SLC9A2: variants seen among roughly 807,000 people sequenced by gnomAD.
SLC9A2 encodes solute carrier family 9 member A2.
SLC9A2 carries 42 observed loss-of-function variants against 71.7 expected under a neutral mutation model. The ratio of observed to expected loss-of-function variants is 0.59; its 90% CI spans 0.46 to 0.76. SLC9A2 has a LOEUF of 0.76. Ranked by LOEUF, SLC9A2 falls within the 30% of genes least tolerant of loss-of-function variation. SLC9A2 has a pLI of 0.00. For missense variants in SLC9A2, 829 were observed against 1,017.4 expected (o/e 0.81, Z 2.52); for synonymous variants, 396 against 392.5 (o/e 1.01, Z -0.10).
chr2:102,705,439 T>C, intron 10 of SLC9A2, among the ~76,000 whole-genome samples: 1 of 152,032 alleles, frequency 6.6e-6, no homozygotes, highest in South Asian at 2.1e-4. Flanking sequence ...TTTTGTTCTA[T>C]TAATATCATT....
intron 1 of SLC9A2, among the ~76,000 whole-genome samples, chr2:102,620,733 G>A (rs1046268622): frequency 6.6e-6 from 1 of 152,146 alleles, no homozygotes; most frequent in Non-Finnish European, 1.5e-5. Flanking sequence ...GAGGTGAGAT[G>A]CATATTTAAA....
In SLC9A2 at chr2:102,707,299, TTTTA is replaced by T. The variant is rs1216000410; in HGVS notation, c.2069-816_2069-813del. Among the ~76,000 whole-genome samples, 293 of 64,962 alleles carry T rather than the reference TTTTA, an allele frequency of 4.5e-3. 8 individuals carry two copies. The highest frequency in any genetic ancestry group is 0.02 in the East Asian group (43 of 2,196). The allele number at this position is 64,962 out of a possible 152,430, so 42.6% of individuals were successfully genotyped here. A position where few individuals can be genotyped will look rare whatever the true frequency, so the allele number is the denominator to read the frequency against. On this transcript the variant is annotated intron_variant, in intron 11 of 11. Coordinates refer to ENST00000233969, the MANE Select transcript of SLC9A2 (RefSeq NM_003048.6). Reference sequence around the variant, plus strand: ...GATGGAAAAATCATTACCCCTCTTTTTTTATTTTTTTTTTTTTGCTTGTTTATTT... The same window carrying T: ...GATGGAAAAATCATTACCCCTCTTTTTTTTTTTTTTTTTGCTTGTTTATTT...
At chr2:102,704,795 C>CT (rs1215676645) in intron 10 of SLC9A2, 120 bp downstream of exon 10, 5 of 1,128,712 alleles carry the variant, frequency 4.4e-6, no homozygotes, top group Non-Finnish European at 6.3e-6. Flanking sequence ...CTCTGAGGAG[C>CT]TGCAGGAAGG....
Position 102,684,265 on chromosome 2 carries a change from G to C in SLC9A2, c.1354G>C (p.Ala452Pro), listed in dbSNP as rs1204114848. The C allele has an allele frequency of 1.2e-6, 2 of 1,614,160 alleles. No homozygotes were observed. ...TGCGTTAGTGTTTCTCCTTCCTGCT[G>C]CTGTGTTTCCTCGGAAAAAATTGTT... ...CFALVFLLPAAVFPRKKLFIT... is the reference protein window; with the variant it reads ...CFALVFLLPAPVFPRKKLFIT... The change falls in exon 5 of 12, where the codon GCT becomes CCT. Residue 452 changes from alanine (A) to proline (P), a missense_variant. Physicochemically the swap from Ala to Pro is conservative, Grantham distance 27. This residue lies in a region of SLC9A2 where 500 missense variants were observed against 726.3 expected (regional missense o/e 0.69). Transcript: ENST00000233969.
In SLC9A2 at chr2:102,677,298, G is replaced by GA. The variant is rs59477999; in HGVS notation, c.1005-5953dup. On this transcript the variant is annotated intron_variant, in intron 3 of 11. Coordinates refer to ENST00000233969, the MANE Select transcript of SLC9A2 (RefSeq NM_003048.6). Reference sequence around the variant, plus strand: ...TATTTCCACCCACCCTCCCCAGGGGGAAAAAAAAAACTCTTTTGAGGTAGT... The same window carrying GA: ...TATTTCCACCCACCCTCCCCAGGGGGAAAAAAAAAAACTCTTTTGAGGTAGT... Among the ~76,000 whole-genome samples the GA allele has an allele frequency of 3.6e-3, 536 of 148,978 alleles. 3 individuals are homozygous for GA. Among genetic ancestry groups the GA allele is most frequent in the Middle Eastern group, 0.01 (3 of 292 alleles).
Position 102,708,435 on chromosome 2 carries a change from G to T in SLC9A2, c.2385G>T (p.Trp795Cys), listed in dbSNP as rs1042363410. The change falls in exon 12 of 12, where the codon TGG becomes TGT. Residue 795 changes from tryptophan (W) to cysteine (C), a missense_variant. By Grantham distance (215) the Trp-to-Cys change is radical. Transcript: ENST00000233969. ...CCAAGCCGCCACCACGGCTGGTCTG[G>T]AGGGCATCGGAACCTGGAAGCCGGA... ...IPPKPPPRLV[W>C]RASEPGSRKA... 6.2e-7 allele frequency: 1 copy of T among 1,614,212 alleles called. No homozygotes were observed. Among genetic ancestry groups the T allele is most frequent in the East Asian group, 2.2e-5 (1 of 44,874 alleles).
chr2:102,704,781 AG>A, intron 10 of SLC9A2, 106 bp downstream of exon 10: 1 of 1,276,282 alleles, frequency 7.8e-7, no homozygotes, highest in Non-Finnish European at 1.1e-6. Flanking sequence ...GGCTGTTGAC[AG>A]TTCTCTGAGG....
rs1336768274 is a variant in SLC9A2, at chr2:102,637,319, C to A, written c.289+17182C>A. ...AAATTCCCTTGCCATCTGTAGAGTCCTTTTCTCAGCTTGGGAGACACAAGT... is the reference window on the plus strand; with the variant it reads ...AAATTCCCTTGCCATCTGTAGAGTCATTTTCTCAGCTTGGGAGACACAAGT... On this transcript the variant is annotated intron_variant, in intron 1 of 11. Transcript: ENST00000233969. Among the ~76,000 whole-genome samples, 3 of 152,186 alleles carry A rather than the reference C, an allele frequency of 2.0e-5. No homozygotes were observed. In the East Asian group the frequency reaches 5.8e-4, roughly 29 times the overall value.
At chr2:102,682,673 T>C (rs1020746360) in intron 3 of SLC9A2, among the ~76,000 whole-genome samples, 3 of 152,134 alleles carry the variant, frequency 2.0e-5, no homozygotes, top group Admixed American at 6.6e-5. Context: ...ATACAATAGA[T>C]ACATAGATAT....
intron 8 of SLC9A2, among the ~76,000 whole-genome samples, chr2:102,701,828 G>A (rs1188975580): frequency 6.6e-6 from 1 of 152,186 alleles, no homozygotes; most frequent in Non-Finnish European, 1.5e-5. Flanking sequence ...GGGAAACTGT[G>A]TCAAGTGACT....
intron 1 of SLC9A2, among the ~76,000 whole-genome samples, chr2:102,642,456 C>T (rs1258181995): frequency 2.6e-5 from 4 of 151,728 alleles, no homozygotes; most frequent in Non-Finnish European, 4.4e-5. Flanking sequence ...TTTAGCCTAT[C>T]GATACGATGG....
rs149849531 is a variant in SLC9A2 at position 102,653,559 on chromosome 2, C to T, written c.290-4005C>T. On this transcript the variant is annotated intron_variant, in intron 1 of 11. Coordinates refer to ENST00000233969, the MANE Select transcript of SLC9A2 (RefSeq NM_003048.6). ...GATCAGTCTCATTGCCTGAGCATGG[C>T]AGGTGCATTGGCCTCTGTAATGCAT... Among the ~76,000 whole-genome samples the T allele has an allele frequency of 1.8e-3, 269 of 152,330 alleles. 1 individual carries two copies. The highest frequency in any genetic ancestry group is 3.5e-3 in the Admixed American group (53 of 15,296).
chr2:102,711,216 T>G lies in SLC9A2; in HGVS notation c.*2727T>G, dbSNP rs375310416. The G allele has an allele frequency of 4.6e-5, 7 of 152,442 alleles. No homozygotes were observed. The highest frequency in any genetic ancestry group is 1.7e-4 in the African/African-American group (7 of 41,570). The allele number at this position is 152,442 out of a possible 1,614,324, so 9.4% of individuals were successfully genotyped here. A position where few individuals can be genotyped will look rare whatever the true frequency, so the allele number is the denominator to read the frequency against. Reference sequence around the variant, plus strand: ...TTTATTGTACTGCCCAAATTGTTTTTATGTTAAAAGTCACGTTTCATAATC... The same window carrying G: ...TTTATTGTACTGCCCAAATTGTTTTGATGTTAAAAGTCACGTTTCATAATC... On this transcript the variant is annotated 3_prime_UTR_variant, in exon 12 of 12. Coordinates refer to ENST00000233969, the MANE Select transcript of SLC9A2 (RefSeq NM_003048.6).
chr2:102,651,439 C>T (rs139584903), intron 1 of SLC9A2, among the ~76,000 whole-genome samples: 2 of 152,322 alleles, frequency 1.3e-5, no homozygotes, highest in Non-Finnish European at 2.9e-5. Flanking sequence ...GCTCAAGGTG[C>T]TCCCAACTCA....
chr2:102,678,462 TAAG>T (rs1432963407), intron 3 of SLC9A2, among the ~76,000 whole-genome samples: 1 of 152,174 alleles, frequency 6.6e-6, no homozygotes, highest in East Asian at 1.9e-4. Flanking sequence ...GCTTTAGAAT[TAAG>T]AAACTTAACC....
Position 102,708,147 on chromosome 2 carries a change from T to C in SLC9A2, c.2097T>C (p.Asp699=), listed in dbSNP as rs776748264. 6.2e-7 allele frequency: 1 copy of C among 1,613,646 alleles called. No homozygotes were observed. Among genetic ancestry groups the C allele is most frequent in the East Asian group, 2.2e-5 (1 of 44,894 alleles). The change falls in exon 12 of 12, where the codon GAT becomes GAC. Residue 699 remains aspartate, a synonymous_variant. Transcript: ENST00000233969. ...GCAATAGCAGCGACTCAGACGCAGA[T>C]GCCGGGACCACCGTGCTCAATTTGC... ...ADGNSSDSDA[D]AGTTVLNLQP...
At chr2:102,705,707 G>A (rs533703912) in intron 10 of SLC9A2, 139 bp from the exon 11 acceptor site, 5 of 508,872 alleles carry the variant, frequency 9.8e-6, no homozygotes, top group African/African-American at 8.0e-5. Context: ...AATAGTTATA[G>A]CCCCTCACAA....
At position 102,684,334 on chromosome 2, in the gene SLC9A2, C is replaced by T. The variant is rs750817058; in HGVS notation, c.1423C>T (p.Leu475=). The T allele has an allele frequency of 3.7e-6, 6 of 1,612,992 alleles. No homozygotes were observed. In the East Asian group the frequency reaches 1.3e-4, roughly 36 times the overall value. Residue 475 remains leucine, a splice_region_variant and synonymous_variant, in exon 5 of 12, where the codon CTG becomes TTG. Transcript: ENST00000233969. ...TGTCATATTCTTTACTGTCTTCATT[C>T]TGGTAAGTAGAGTGATCCCTTTACC... ...IVVIFFTVFI[L]GITIRPLVEF... is the part of the protein sequence containing the mutation.
At chr2:102,640,682 C>A (rs1474238602) in intron 1 of SLC9A2, among the ~76,000 whole-genome samples, 1 of 152,158 alleles carries the variant, frequency 6.6e-6, no homozygotes, top group Non-Finnish European at 1.5e-5. Flanking sequence ...AAGCTCCCAA[C>A]CTCATCATTT....
Sources: gnomAD v4.1 joint callset for allele counts (sites outside exome capture counted in the v4.1 genomes callset) on GRCh38, gnomAD v4.1.1 for gene constraint, gnomAD v4.1.1 regional missense constraint, MANE v1.5 for transcripts, NCBI Gene and HGNC (gene_info 2026-07-23, HGNC 2026-07-21) for gene names.